The following HECTD2 variants were observed in gnomAD, a reference collection of about 807,000 sequenced individuals.
HECTD2 encodes the protein HECT domain E3 ubiquitin protein ligase 2.
HECTD2 carries 35 observed loss-of-function variants against 103.2 expected under a neutral mutation model. The ratio of observed to expected loss-of-function variants is 0.34; its 90% CI spans 0.26 to 0.45. HECTD2 has a LOEUF of 0.45. HECTD2 is among the 20% of genes least tolerant of loss of function. HECTD2 has a pLI of 1.00. For synonymous variants in HECTD2, 281 were observed against 329.9 expected (o/e 0.85, Z 1.61); for missense variants, 596 against 937.4 (o/e 0.64, Z 4.76).
At chr10:91,484,721 G>A in intron 9 of HECTD2, 66 bp downstream of exon 9, 1 of 1,262,820 alleles carries the variant, frequency 7.9e-7, no homozygotes, top group Non-Finnish European at 1.1e-6. Context: ...ATTTCTTAAG[G>A]ATTTCAAAAG....
intron 2 of HECTD2, among the ~76,000 whole-genome samples, chr10:91,427,950 C>A (rs938220409): frequency 3.3e-5 from 5 of 151,664 alleles, no homozygotes; most frequent in African/African-American, 1.2e-4. Flanking sequence ...AAGTCCTTGC[C>A]CATGCCTATG....
chr10:91,424,699 T>C (rs2133030273), intron 1 of HECTD2, among the ~76,000 whole-genome samples: 1 of 152,226 alleles, frequency 6.6e-6, no homozygotes, highest in South Asian at 2.1e-4. Flanking sequence ...AGAAGATTGC[T>C]ATTACCTGTG....
At chr10:91,427,941 A>G (rs919938706) in intron 2 of HECTD2, among the ~76,000 whole-genome samples, 1 of 151,738 alleles carries the variant, frequency 6.6e-6, no homozygotes, top group African/African-American at 2.4e-5. Context: ...TTAGACATGA[A>G]GTCCTTGCCC....
At chr10:91,492,763 C>G (rs1368511770) in intron 13 of HECTD2, among the ~76,000 whole-genome samples, 1 of 152,002 alleles carries the variant, frequency 6.6e-6, no homozygotes, top group East Asian at 1.9e-4. Context: ...AAGTCAAATG[C>G]ATGAAAATTT....
At chr10:91,459,149 A>G (rs1845234812) in intron 2 of HECTD2, among the ~76,000 whole-genome samples, 1 of 152,038 alleles carries the variant, frequency 6.6e-6, no homozygotes, top group Non-Finnish European at 1.5e-5. Flanking sequence ...ACCATTAGGA[A>G]AATGAAAATT....
At chr10:91,479,239 C>T (rs1490754038) in intron 6 of HECTD2, among the ~76,000 whole-genome samples, 1 of 152,130 alleles carries the variant, frequency 6.6e-6, no homozygotes, top group Non-Finnish European at 1.5e-5. Context: ...TTATATAGCA[C>T]ATTCCTATTA....
intron 1 of HECTD2, among the ~76,000 whole-genome samples, chr10:91,418,769 A>T (rs1843233726): frequency 6.6e-6 from 1 of 152,162 alleles, no homozygotes; most frequent in African/African-American, 2.4e-5. Flanking sequence ...TGGCTCCAGG[A>T]TGGCTCTGAT....
chr10:91,465,958 GAAAGTA>G (rs1314987973), intron 5 of HECTD2, among the ~76,000 whole-genome samples: 2 of 152,136 alleles, frequency 1.3e-5, no homozygotes, highest in African/African-American at 4.8e-5. Context: ...GAAGGACTTA[GAAAGTA>G]TTCTCTCTGC....
At chr10:91,423,259 C>T (rs892325761) in intron 1 of HECTD2, among the ~76,000 whole-genome samples, 10 of 152,032 alleles carry the variant, frequency 6.6e-5, no homozygotes, top group African/African-American at 2.4e-4. Flanking sequence ...TCCTGGCTTC[C>T]CATTTATCAG....
intron 2 of HECTD2, among the ~76,000 whole-genome samples, chr10:91,437,619 C>CTTTT (rs59785873): frequency 2.3e-5 from 2 of 87,416 alleles, no homozygotes; most frequent in Non-Finnish European, 5.5e-5. Flanking sequence ...GATGGTTGTT[C>CTTTT]TTTTTTTTTT....
intron 20 of HECTD2, among the ~76,000 whole-genome samples, chr10:91,503,359 G>A (rs1199626472): frequency 6.6e-6 from 1 of 152,212 alleles, no homozygotes; most frequent in African/African-American, 2.4e-5. Context: ...ATTTCCATCT[G>A]AGGTACCGGG....
upstream of HECTD2, among the ~76,000 whole-genome samples, chr10:91,409,838 G>A (rs1331329128): frequency 6.6e-6 from 1 of 152,188 alleles, no homozygotes; most frequent in Non-Finnish European, 1.5e-5. Flanking sequence ...GGAAGAAGGC[G>A]AAAGGCCACC....
rs766816730 is a variant in HECTD2, at chr10:91,410,398, GGCC to G, written c.-28_-26del. 1.5e-4 allele frequency: 196 copies of G among 1,319,246 alleles called. No individual in the cohort carries two copies. Among genetic ancestry groups the G allele is most frequent in the South Asian group, 6.5e-4 (35 of 53,896 alleles). The allele number at this position is 1,319,246 out of a possible 1,614,324, so 81.7% of individuals were successfully genotyped here. A position where few individuals can be genotyped will look rare whatever the true frequency, so the allele number is the denominator to read the frequency against. ...GCAGCGCCAGCCCCAGCAACACTGA[GGCC>G]GCCGCCGCCGCCTGGCGCTCCCGCC... On this transcript the variant is annotated 5_prime_UTR_variant, in exon 1 of 21. Coordinates refer to ENST00000298068, the MANE Select transcript of HECTD2 (RefSeq NM_182765.6).
chr10:91,441,938 A>T, intron 2 of HECTD2, among the ~76,000 whole-genome samples: 1 of 101,532 alleles, frequency 9.8e-6, no homozygotes, highest in Non-Finnish European at 1.8e-5. Flanking sequence ...TTGTGTGGGA[A>T]ATATTCCTCC....
chr10:91,451,948 T>G (rs1743686032), intron 2 of HECTD2, among the ~76,000 whole-genome samples: 1 of 151,616 alleles, frequency 6.6e-6, no homozygotes, highest in Admixed American at 6.6e-5. Flanking sequence ...CTATAAGATA[T>G]TAATCATTCT....
At position 91,512,317 on chromosome 10, in the gene HECTD2, G is replaced by A; in HGVS notation, c.2264G>A (p.Ser755Asn). ...CAACTTTGCCTTCCCCCCTACAAGA[G>A]CAAAAAGGATCTGAAACAGAAATTG... The part of the protein sequence containing the change: ...FNQLCLPPYK[S>N]KKDLKQKLII... Residue 755 changes from serine to asparagine, a missense_variant, in exon 21 of 21, where the codon AGC (serine) becomes AAC (asparagine). Physicochemically the swap from Ser to Asn is conservative, Grantham distance 46. Transcript: ENST00000298068. 1 of 1,613,366 alleles carries A rather than the reference G, an allele frequency of 6.2e-7. No homozygotes were observed. Among genetic ancestry groups the A allele is most frequent in the Non-Finnish European group, 8.5e-7 (1 of 1,179,646 alleles).
chr10:91,503,721 G>A (rs964743104), intron 20 of HECTD2, among the ~76,000 whole-genome samples: 2 of 152,198 alleles, frequency 1.3e-5, no homozygotes, highest in Admixed American at 1.3e-4. Flanking sequence ...CCATTGCCCA[G>A]GCTTGCTTAG....
chr10:91,425,200 T>C, intron 1 of HECTD2, 81 bp from the exon 2 acceptor site: 2 of 1,125,666 alleles, frequency 1.8e-6, no homozygotes, highest in South Asian at 6.0e-5. Flanking sequence ...TAAAATCTCT[T>C]ATAAATGTTT....
intron 2 of HECTD2, among the ~76,000 whole-genome samples, chr10:91,426,021 A>G (rs1213465805): frequency 3.3e-5 from 5 of 152,064 alleles, no homozygotes; most frequent in African/African-American, 9.7e-5. Context: ...GAAGAATATG[A>G]TATGTATGTA....
Sources: gnomAD v4.1 joint callset for allele counts (sites outside exome capture counted in the v4.1 genomes callset) on GRCh38, gnomAD v4.1.1 for gene constraint, MANE v1.5 for transcripts, NCBI Gene and HGNC (gene_info 2026-07-23, HGNC 2026-07-21) for gene names.